PTPRD: variants seen among roughly 807,000 people sequenced by gnomAD.
PTPRD encodes the protein protein tyrosine phosphatase receptor type D.
Under a neutral mutation model 214.5 loss-of-function variants are expected in PTPRD, and 34 were observed. The observed-to-expected ratio is 0.16, with a 90% confidence interval of 0.12 to 0.21. PTPRD has a LOEUF of 0.21. PTPRD is among the 10% of genes least tolerant of loss of function. The pLI, the probability that PTPRD is intolerant of heterozygous loss-of-function variation, is 1.00. For missense variants in PTPRD, 2,545 were observed against 2,398.7 expected, an observed-to-expected ratio of 1.06 and a Z score of -1.27; for synonymous variants, 1,128 against 845.7, an observed-to-expected ratio of 1.33 and a Z score of -5.79.
At position 8,341,177 on chromosome 9, in the gene PTPRD, G is replaced by C. The variant is rs1452929744; in HGVS notation, c.5039C>G (p.Pro1680Arg). The C allele has an allele frequency of 2.5e-6, 4 of 1,612,868 alleles. No homozygotes were observed. The highest frequency in any genetic ancestry group is 2.5e-6 in the Non-Finnish European group (3 of 1,179,392). Reference sequence around the variant, plus strand: ...CAGGCATACCCTTGTGGATTCATATGGCATAATATTAACAAGGCGATTTTT... The same window carrying C: ...CAGGCATACCCTTGTGGATTCATATCGCATAATATTAACAAGGCGATTTTT... ...KFKNRLVNIM[P>R]YESTRVCLQP... The change falls in exon 41 of 46, where the codon CCA (proline) becomes CGA (arginine). Residue 1680 changes from proline (P) to arginine (R), a missense_variant. Coordinates refer to ENST00000381196, the MANE Select transcript of PTPRD (RefSeq NM_002839.4).
intron 9 of PTPRD, among the ~76,000 whole-genome samples, chr9:9,191,455 C>G (rs1031124309): frequency 6.6e-6 from 1 of 152,062 alleles, no homozygotes; most frequent in South Asian, 2.1e-4. Context: ...ATGCAGCTAC[C>G]TCCATTTGTG....
chr9:8,939,416 G>C (rs1017352212), intron 11 of PTPRD, among the ~76,000 whole-genome samples: 5 of 148,132 alleles, frequency 3.4e-5, no homozygotes, highest in Non-Finnish European at 7.5e-5. Context: ...ACTTCATTTT[G>C]AAAGATACAA....
At chr9:9,333,465 T>C (rs1207754922) in intron 9 of PTPRD, among the ~76,000 whole-genome samples, 1 of 139,822 alleles carries the variant, frequency 7.2e-6, no homozygotes, top group Non-Finnish European at 1.5e-5. Flanking sequence ...GAAACAATGA[T>C]ATATAAATAT....
chr9:8,843,950 C>T (rs1601648534), intron 11 of PTPRD, among the ~76,000 whole-genome samples: 1 of 152,118 alleles, frequency 6.6e-6, no homozygotes, highest in Non-Finnish European at 1.5e-5. Context: ...AGGTCCTTTC[C>T]AGCACCTTTT....
intron 9 of PTPRD, among the ~76,000 whole-genome samples, chr9:9,320,577 G>A (rs1271131257): frequency 3.3e-5 from 5 of 152,130 alleles, no homozygotes; most frequent in Non-Finnish European, 1.5e-5. Flanking sequence ...ACTCTCTGAG[G>A]AAAACTACCC....
intron 33 of PTPRD, among the ~76,000 whole-genome samples, chr9:8,453,382 T>C (rs1423845411): frequency 6.6e-6 from 1 of 152,162 alleles, no homozygotes; most frequent in Non-Finnish European, 1.5e-5. Flanking sequence ...GTCAGGATGG[T>C]CTCGATCTCC....
chr9:8,615,820 C>T lies in PTPRD; in HGVS notation c.352+17497G>A, dbSNP rs193027710. 7.4e-4 allele frequency among the ~76,000 whole-genome samples: 112 copies of T among 152,096 alleles called. 2 individuals are homozygous for T. The highest frequency in any genetic ancestry group is 2.6e-3 in the African/African-American group (108 of 41,542). On this transcript the variant is annotated intron_variant, in intron 14 of 45. Transcript: ENST00000381196. ...TATCAGGAAGTAATAATTTCCGTCC[C>T]TTTCTTGCATTCTAAAGAGATTTGT... is the stretch of plus-strand genomic sequence containing the variant.
At chr9:8,867,660 A>T (rs540326928) in intron 11 of PTPRD, among the ~76,000 whole-genome samples, 1 of 152,356 alleles carries the variant, frequency 6.6e-6, no homozygotes, top group South Asian at 2.1e-4. Context: ...ATGAGAAATT[A>T]GAGCAAATGC....
At chr9:10,596,495 A>C (rs2133155741) in intron 2 of PTPRD, among the ~76,000 whole-genome samples, 1 of 151,860 alleles carries the variant, frequency 6.6e-6, no homozygotes, top group Admixed American at 6.6e-5. Flanking sequence ...ACAATAACTA[A>C]TTGTAAAGGC....
Position 8,863,354 on chromosome 9 carries a change from TCCCAA to T in PTPRD, c.-103-129413_-103-129409del, listed in dbSNP as rs2098139572. Among the ~76,000 whole-genome samples the T allele has an allele frequency of 4.6e-5, 7 of 152,334 alleles. No individual in the cohort carries two copies. In the South Asian group the frequency reaches 1.5e-3, roughly 32 times the overall value. ...GGCATTCCATTAACCATTGGCACTA[TCCCAA>T]CCCAAGTGAAACACTGGGTCATTTT... On this transcript the variant is annotated intron_variant, in intron 11 of 45. Transcript: ENST00000381196.
chr9:9,433,898 G>A (rs1323877726), intron 8 of PTPRD, among the ~76,000 whole-genome samples: 1 of 152,114 alleles, frequency 6.6e-6, no homozygotes, highest in East Asian at 1.9e-4. Context: ...AACAATCTTT[G>A]TGGCTGAGGG....
chr9:10,277,383 G>A (rs1353859635), intron 3 of PTPRD, among the ~76,000 whole-genome samples: 1 of 150,198 alleles, frequency 6.7e-6, no homozygotes, highest in African/African-American at 2.4e-5. Context: ...AATTTTAGAA[G>A]AACAAAAACG....
intron 2 of PTPRD, among the ~76,000 whole-genome samples, chr9:10,392,212 T>C (rs1354609950): frequency 1.3e-5 from 2 of 152,002 alleles, no homozygotes; most frequent in African/African-American, 4.8e-5. Context: ...AGCAAAGATA[T>C]AATCATGCAT....
At chr9:8,825,319 G>A (rs568015192) in intron 11 of PTPRD, among the ~76,000 whole-genome samples, 3 of 152,308 alleles carry the variant, frequency 2.0e-5, no homozygotes, top group African/African-American at 7.2e-5. Flanking sequence ...TTTAGTTAAA[G>A]CCTTGGTAAA....
intron 3 of PTPRD, among the ~76,000 whole-genome samples, chr9:10,277,287 C>G (rs1483126631): frequency 6.6e-6 from 1 of 150,934 alleles, no homozygotes; most frequent in Non-Finnish European, 1.5e-5. Flanking sequence ...TATAAACAAA[C>G]TGAACAATAT....
chr9:10,246,702 T>C (rs1470901094), intron 3 of PTPRD, among the ~76,000 whole-genome samples: 1 of 152,016 alleles, frequency 6.6e-6, no homozygotes, highest in Non-Finnish European at 1.5e-5. Context: ...TGCCTGGTAC[T>C]CTTTACGTAT....
At chr9:10,009,417 C>G (rs1364283388) in intron 4 of PTPRD, among the ~76,000 whole-genome samples, 1 of 151,904 alleles carries the variant, frequency 6.6e-6, no homozygotes, top group African/African-American at 2.4e-5. Flanking sequence ...CAGGACAACT[C>G]AAAGCAGGGG....
chr9:9,556,500 T>C (rs958370724), intron 8 of PTPRD, among the ~76,000 whole-genome samples: 13 of 152,214 alleles, frequency 8.5e-5, no homozygotes, highest in Admixed American at 1.3e-4. Flanking sequence ...AAATAGATTG[T>C]AAATTCCTAG....
chr9:9,939,344 T>C (rs1193879151), intron 4 of PTPRD, among the ~76,000 whole-genome samples: 4 of 152,268 alleles, frequency 2.6e-5, no homozygotes, highest in Non-Finnish European at 5.9e-5. Flanking sequence ...AACTGGGTGG[T>C]TGTAAGGAAC....
Sources: gnomAD v4.1 joint callset for allele counts (sites outside exome capture counted in the v4.1 genomes callset) on GRCh38, gnomAD v4.1.1 for gene constraint, MANE v1.5 for transcripts, NCBI Gene and HGNC (gene_info 2026-07-23, HGNC 2026-07-21) for gene names.